SIGLECL1: variants seen among roughly 807,000 people sequenced by gnomAD.
The protein encoded by SIGLECL1 is SIGLEC family like 1.
In SIGLECL1, 16 loss-of-function variants were observed where a neutral mutation model predicts 19.1. That is an observed-to-expected ratio of 0.84 (90% CI 0.57 to 1.27). The LOEUF (loss-of-function observed/expected upper bound fraction) is 1.27. Ranked by LOEUF, SIGLECL1 falls within the 50% of genes most tolerant of loss-of-function variation. The pLI is 0.00. For synonymous variants in SIGLECL1, 89 were observed against 90.4 expected (o/e 0.98, Z 0.09); for missense variants, 210 against 239.4 (o/e 0.88, Z 0.81).
intron 4 of SIGLECL1, among the ~76,000 whole-genome samples, chr19:51,266,357 A>C (rs1034851687): frequency 6.6e-6 from 1 of 152,198 alleles, no homozygotes. Context: ...CAATGCACAC[A>C]AACTTTATTT....
At chr19:51,254,801 G>A (rs2123389461) in intron 1 of SIGLECL1, among the ~76,000 whole-genome samples, 1 of 152,092 alleles carries the variant, frequency 6.6e-6, no homozygotes, top group Non-Finnish European at 1.5e-5. Flanking sequence ...TATGGTATAT[G>A]AATTATAGCT....
At chr19:51,252,069 C>T (rs1024280688) in intron 1 of SIGLECL1, among the ~76,000 whole-genome samples, 12 of 151,646 alleles carry the variant, frequency 7.9e-5, no homozygotes, top group African/African-American at 1.9e-4. Flanking sequence ...AGGCTGAGGC[C>T]GGGGATCACT....
chr19:51,261,406 G>A (rs746987208), intron 1 of SIGLECL1, among the ~76,000 whole-genome samples: 6 of 151,880 alleles, frequency 4.0e-5, no homozygotes, highest in East Asian at 3.9e-4. Context: ...CTCCTGCCTC[G>A]GCCTCCTGAG....
intron 1 of SIGLECL1, among the ~76,000 whole-genome samples, chr19:51,262,932 C>T (rs1983340639): frequency 6.6e-6 from 1 of 152,158 alleles, no homozygotes; most frequent in African/African-American, 2.4e-5. Context: ...AAGTCTTACT[C>T]TGTAGCCCAA....
intron 2 of SIGLECL1, among the ~76,000 whole-genome samples, 164 bp from the exon 3 acceptor site, chr19:51,265,204 G>GA (rs1983548266): frequency 6.6e-6 from 1 of 152,186 alleles, no homozygotes; most frequent in Admixed American, 6.5e-5. Context: ...GATGAGGACA[G>GA]AAGATAGAGG....
At chr19:51,267,617 G>A in intron 5 of SIGLECL1, 88 bp downstream of exon 5, 1 of 1,472,438 alleles carries the variant, frequency 6.8e-7, no homozygotes, top group Non-Finnish European at 9.3e-7. Flanking sequence ...TTTTGAAGGT[G>A]TTATCATCCT....
intron 1 of SIGLECL1, among the ~76,000 whole-genome samples, chr19:51,262,712 C>A (rs1983323048): frequency 6.6e-6 from 1 of 152,100 alleles, no homozygotes; most frequent in Non-Finnish European, 1.5e-5. Flanking sequence ...TCCAGTTATT[C>A]TGACACAATT....
chr19:51,263,890 G>A lies in SIGLECL1; in HGVS notation c.-183G>A. ...TAATTCCTGCTTCTCCAGGTGAACAGGCCTTCACGATGACCAGAGACAGAA... is the reference window on the plus strand; with the variant it reads ...TAATTCCTGCTTCTCCAGGTGAACAAGCCTTCACGATGACCAGAGACAGAA... On this transcript the variant is annotated 5_prime_UTR_variant, in exon 2 of 6. Transcript: ENST00000601727. 1.6e-6 allele frequency: 1 copy of A among 620,422 alleles called. No individual in the cohort carries two copies. Among genetic ancestry groups the A allele is most frequent in the Non-Finnish European group, 2.8e-6 (1 of 362,832 alleles). The allele number at this position is 620,422 out of a possible 1,614,324, so 38.4% of individuals were successfully genotyped here.
chr19:51,259,962 T>C (rs1568443955), intron 1 of SIGLECL1, among the ~76,000 whole-genome samples: 2 of 152,212 alleles, frequency 1.3e-5, no homozygotes, highest in Admixed American at 6.5e-5. Context: ...CTGGCACTCA[T>C]ACTGAGGAAG....
intron 2 of SIGLECL1, among the ~76,000 whole-genome samples, chr19:51,264,653 C>A (rs551573556): frequency 6.6e-6 from 1 of 152,292 alleles, no homozygotes; most frequent in South Asian, 2.1e-4. Flanking sequence ...ATGAATGTGA[C>A]TGTTCCCTCC....
chr19:51,252,738 C>T (rs937460344), intron 1 of SIGLECL1, among the ~76,000 whole-genome samples: 2 of 152,048 alleles, frequency 1.3e-5, no homozygotes, highest in African/African-American at 4.8e-5. Context: ...GGAGCACAGA[C>T]CACTCAGAGA....
At chr19:51,250,569 C>G (rs1302082554), upstream of SIGLECL1, among the ~76,000 whole-genome samples, 1 of 152,180 alleles carries the variant, frequency 6.6e-6, no homozygotes, top group Non-Finnish European at 1.5e-5. Flanking sequence ...TCAAATGCCT[C>G]TGTCATTTTG....
upstream of SIGLECL1, chr19:51,251,074 G>A (rs943695872): frequency 8.5e-5 from 13 of 152,250 alleles, no homozygotes; most frequent in Non-Finnish European, 1.9e-4. Context: ...TTGGCTGCGG[G>A]TGGATGCACT....
At chr19:51,267,627 T>A (rs1983778648) in intron 5 of SIGLECL1, 98 bp downstream of exon 5, 1 of 1,418,772 alleles carries the variant, frequency 7.0e-7, no homozygotes, top group African/African-American at 1.4e-5. Context: ...GTTATCATCC[T>A]CAGTCTTGCA....
At chr19:51,260,730 C>G (rs1201245931) in intron 1 of SIGLECL1, among the ~76,000 whole-genome samples, 1 of 152,080 alleles carries the variant, frequency 6.6e-6, no homozygotes, top group Non-Finnish European at 1.5e-5. Flanking sequence ...GATATATTGT[C>G]TTGGATATGT....
intron 1 of SIGLECL1, chr19:51,255,879 AT>A (rs1324796555): frequency 6.6e-6 from 1 of 152,196 alleles, no homozygotes; most frequent in African/African-American, 2.4e-5. Context: ...AGTATAGAGT[AT>A]CCTTTAAAAA....
intron 1 of SIGLECL1, among the ~76,000 whole-genome samples, chr19:51,254,267 T>G (rs1376438545): frequency 6.6e-6 from 1 of 151,476 alleles, no homozygotes; most frequent in Non-Finnish European, 1.5e-5. Flanking sequence ...AGTTCGAGGC[T>G]GTAGATAGCT....
At chr19:51,255,974 T>G (rs993966480) in intron 1 of SIGLECL1, 3 of 152,200 alleles carry the variant, frequency 2.0e-5, no homozygotes, top group Non-Finnish European at 4.4e-5. Context: ...CTTGAAGAGA[T>G]ATCTGCACTC....
chr19:51,265,664 G>T lies in SIGLECL1; in HGVS notation c.304+15G>T, dbSNP rs765214386. On this transcript the variant is annotated intron_variant, in intron 3 of 5. Transcript: ENST00000601727. Reference sequence around the variant, plus strand: ...ACTGATGTCAAGTGAGGGTGGAGGGGGCTCGGTGACTGGGTGAGGACAATA... The same window carrying T: ...ACTGATGTCAAGTGAGGGTGGAGGGTGCTCGGTGACTGGGTGAGGACAATA... 8 of 1,611,556 alleles carry T rather than the reference G, an allele frequency of 5.0e-6. No homozygotes were observed. Among genetic ancestry groups the T allele is most frequent in the African/African-American group, 1.3e-5 (1 of 74,986 alleles).
Sources: gnomAD v4.1 joint callset for allele counts (sites outside exome capture counted in the v4.1 genomes callset) on GRCh38, gnomAD v4.1.1 for gene constraint, MANE v1.5 for transcripts, NCBI Gene and HGNC (gene_info 2026-07-23, HGNC 2026-07-21) for gene names.